The following SGCD variants were observed in gnomAD, a reference collection of about 807,000 sequenced individuals.
The protein encoded by SGCD is sarcoglycan delta, also known as delta-sarcoglycan.
Under a neutral mutation model 36.6 loss-of-function variants are expected in SGCD, and 18 were observed. The ratio of observed to expected loss-of-function variants is 0.49; its 90% confidence interval spans 0.34 to 0.73. The LOEUF is 0.73. Among genes scored for constraint, SGCD ranks in the 30% least tolerant of loss-of-function variants. SGCD has a pLI of 0.01. For synonymous variants in SGCD, 133 were observed against 130.6 expected (o/e 1.02, Z -0.12); for missense variants, 387 against 346.7 (o/e 1.12, Z -0.92).
chr5:156,473,808 G>C lies in SGCD; in HGVS notation c.193-34793G>C, dbSNP rs182232934. 8.8e-4 allele frequency among the ~76,000 whole-genome samples: 134 copies of C among 152,124 alleles called. 1 individual carries two copies. Among genetic ancestry groups the C allele is most frequent in the Admixed American group, 2.2e-3 (33 of 15,266 alleles). On this transcript the variant is annotated intron_variant, in intron 3 of 8. Coordinates refer to ENST00000337851, the MANE Select transcript of SGCD (RefSeq NM_000337.6). Reference sequence around the variant, plus strand: ...GGAGCAATCGAAGTGATAATCCACTGACCACCTTTTGAGAAAAAATGATCT... The same window carrying C: ...GGAGCAATCGAAGTGATAATCCACTCACCACCTTTTGAGAAAAAATGATCT...
At chr5:156,278,016 A>G (rs527701004) in intron 3 of SGCD, among the ~76,000 whole-genome samples, 6 of 152,326 alleles carry the variant, frequency 3.9e-5, no homozygotes, top group African/African-American at 1.4e-4. Flanking sequence ...GGTTCATATA[A>G]AAGAAAAAAG....
intron 3 of SGCD, among the ~76,000 whole-genome samples, chr5:156,486,493 T>C (rs1056481908): frequency 6.6e-5 from 10 of 152,200 alleles, no homozygotes; most frequent in Admixed American, 6.5e-4. Context: ...TTTTGAAACC[T>C]GAGGATCTCC....
At chr5:156,732,005 G>A (rs779303785) in intron 7 of SGCD, among the ~76,000 whole-genome samples, 2 of 151,736 alleles carry the variant, frequency 1.3e-5, no homozygotes, top group Non-Finnish European at 3.0e-5. Flanking sequence ...CACTGATTTT[G>A]TATTCTGAAG....
At chr5:155,909,718 A>C (rs1348545493) in intron 1 of SGCD, among the ~76,000 whole-genome samples, 1 of 152,120 alleles carries the variant, frequency 6.6e-6, no homozygotes, top group African/African-American at 2.4e-5. Flanking sequence ...AGGCACATGA[A>C]TTTTGAGTGC....
intron 3 of SGCD, among the ~76,000 whole-genome samples, chr5:156,380,819 G>T (rs1369456063): frequency 6.6e-6 from 1 of 152,158 alleles, no homozygotes; most frequent in African/African-American, 2.4e-5. Flanking sequence ...GCAGGCTGTG[G>T]TTTGCATTTT....
chr5:156,630,154 C>A lies in SGCD; in HGVS notation c.503-17310C>A, dbSNP rs570047042. On this transcript the variant is annotated intron_variant, in intron 6 of 8. Coordinates refer to ENST00000337851, the MANE Select transcript of SGCD (RefSeq NM_000337.6). The stretch of plus-strand genomic sequence containing the variant: ...CTGGGATTACAGGCCTGAGTCACCA[C>A]GCCTGGCCCTAAGACCTTTTCATCA... 2.0e-5 allele frequency among the ~76,000 whole-genome samples: 3 copies of A among 152,282 alleles called. No homozygotes were observed. The South Asian group carries it at 6.2e-4, about 32-fold the overall frequency.
intron 1 of SGCD, among the ~76,000 whole-genome samples, chr5:155,924,595 G>A (rs999770818): frequency 6.6e-6 from 1 of 152,200 alleles, no homozygotes; most frequent in Non-Finnish European, 1.5e-5. Flanking sequence ...GGAATGAATT[G>A]TTAAGTTTGG....
At chr5:156,501,454 G>T (rs547251865) in intron 3 of SGCD, among the ~76,000 whole-genome samples, 65 of 152,290 alleles carry the variant, frequency 4.3e-4, no homozygotes, top group African/African-American at 1.5e-3. Context: ...CTATTGCGCT[G>T]CTACTCTGAT....
chr5:156,258,331 C>T (rs1329809491), intron 3 of SGCD, among the ~76,000 whole-genome samples: 1 of 152,074 alleles, frequency 6.6e-6, no homozygotes, highest in East Asian at 1.9e-4. Context: ...CTCAGAGAAC[C>T]AGTATTCTCT....
chr5:156,698,604 A>C (rs1235430406), intron 7 of SGCD, among the ~76,000 whole-genome samples: 1 of 152,134 alleles, frequency 6.6e-6, no homozygotes, highest in Non-Finnish European at 1.5e-5. Flanking sequence ...ATTATGCCTT[A>C]CTGCAGGAGA....
chr5:156,746,618 T>C (rs1190676220), intron 7 of SGCD, among the ~76,000 whole-genome samples: 1 of 152,164 alleles, frequency 6.6e-6, no homozygotes, highest in East Asian at 1.9e-4. Context: ...ATCAGTGCTG[T>C]TCAATGGGGA....
At chr5:155,884,300 G>A (rs1049553735) in intron 1 of SGCD, among the ~76,000 whole-genome samples, 1 of 152,152 alleles carries the variant, frequency 6.6e-6, no homozygotes, top group Admixed American at 6.5e-5. Context: ...CTCTGCTGAT[G>A]TATAATCTGA....
chr5:156,161,183 A>G lies in SGCD; in HGVS notation c.-44+37164A>G, dbSNP rs1009100921. On this transcript the variant is annotated intron_variant, in intron 3 of 9. Transcript: ENST00000517913. ...ACTAAGGGAATCAATGCACGAACAT[A>G]TCAAAGATCGGGAATTTTTGTTTTA... Among the ~76,000 whole-genome samples the G allele has an allele frequency of 1.4e-4, 22 of 151,896 alleles. 2 individuals are homozygous for G. The highest frequency in any genetic ancestry group is 5.3e-4 in the African/African-American group (22 of 41,142).
chr5:156,477,959 A>G (rs1347703017), intron 3 of SGCD, among the ~76,000 whole-genome samples: 1 of 152,076 alleles, frequency 6.6e-6, no homozygotes, highest in Non-Finnish European at 1.5e-5. Flanking sequence ...TGTCGTCACC[A>G]TTTAGGCAGT....
intron 4 of SGCD, among the ~76,000 whole-genome samples, chr5:156,537,509 G>GCACACACACACACACA (rs1758170634): frequency 1.2e-5 from 1 of 84,182 alleles, no homozygotes. Context: ...ACACACACAG[G>GCACACACACACACACA]TATATATATA....
chr5:156,540,014 T>G (rs1242373955), intron 4 of SGCD, among the ~76,000 whole-genome samples: 1 of 152,140 alleles, frequency 6.6e-6, no homozygotes, highest in Non-Finnish European at 1.5e-5. Flanking sequence ...ACACTTTCTC[T>G]TTTACATATG....
Position 156,487,813 on chromosome 5 carries a change from A to AAAAAAAAAAAAG in SGCD, c.193-20785_193-20784insAAAAAAAAGAAA, listed in dbSNP as rs1554107842. ...CAAAAAAAAAAAAAAAAAAAAAAAA[A>AAAAAAAAAAAAG]AAAGAAAGAAAGAAAAAGCTTAACA... On this transcript the variant is annotated intron_variant, in intron 3 of 8. Transcript: ENST00000337851. 3.0e-3 allele frequency among the ~76,000 whole-genome samples: 236 copies of AAAAAAAAAAAAG among 77,716 alleles called. 12 individuals are homozygous for AAAAAAAAAAAAG. Among genetic ancestry groups the AAAAAAAAAAAAG allele is most frequent in the Non-Finnish European group, 4.1e-3 (165 of 40,032 alleles). 51.0% of individuals were successfully genotyped at this position (77,716 alleles called of 152,430 possible).
At chr5:156,431,710 GTTTTTTGTTT>G (rs1208489194) in intron 3 of SGCD, among the ~76,000 whole-genome samples, 2 of 151,950 alleles carry the variant, frequency 1.3e-5, no homozygotes, top group Non-Finnish European at 2.9e-5. Flanking sequence ...TGATTGTTTT[GTTTTTTGTTT>G]TGTTTTGTTT....
chr5:155,978,065 G>T (rs1232338861), intron 1 of SGCD, among the ~76,000 whole-genome samples: 2 of 152,012 alleles, frequency 1.3e-5, no homozygotes, highest in East Asian at 3.9e-4. Flanking sequence ...CTGCACTCCA[G>T]CCTGGAGACA....
Sources: allele counts gnomAD v4.1 joint callset (sites outside exome capture counted in the v4.1 genomes callset), GRCh38; gene constraint gnomAD v4.1.1; transcripts MANE v1.5; gene names NCBI Gene and HGNC (gene_info 2026-07-23, HGNC 2026-07-21).